The following ARHGAP19 variants were observed in gnomAD, a reference collection of about 807,000 sequenced individuals.
ARHGAP19 encodes the protein rho GTPase-activating protein 19.
In ARHGAP19, 48 loss-of-function variants were observed where a neutral mutation model predicts 60.9. That is an observed-to-expected ratio of 0.79 (90% CI 0.62 to 1.00). ARHGAP19 has a LOEUF of 1.00. Ranked by LOEUF, ARHGAP19 falls within the 50% of genes least tolerant of loss-of-function variation. The pLI, the probability that ARHGAP19 is intolerant of heterozygous loss-of-function variation, is 0.00. For synonymous variants in ARHGAP19, 209 were observed against 215.5 expected, an observed-to-expected ratio of 0.97 and a Z score of 0.27; for missense variants, 562 against 597.2, an observed-to-expected ratio of 0.94 and a Z score of 0.61.
At chr10:97,275,998 C>T (rs1589378597) in intron 1 of ARHGAP19, among the ~76,000 whole-genome samples, 1 of 5,458 alleles carries the variant, frequency 1.8e-4, no homozygotes, top group Non-Finnish European at 1.2e-3. Context: ...GCCCCCCGCC[C>T]GGCCAGCCGC....
At position 97,232,154 on chromosome 10, in the gene ARHGAP19, A is replaced by ATTT. The variant is rs1170639718; in HGVS notation, c.1285-2283_1285-2281dup. Among the ~76,000 whole-genome samples the ATTT allele has an allele frequency of 5.2e-4, 29 of 56,306 alleles. 1 individual carries two copies. The highest frequency in any genetic ancestry group is 1.1e-3 in the East Asian group (2 of 1,744). 36.9% of individuals were successfully genotyped at this position (56,306 alleles called of 152,430 possible). ...TTTCTATTTAAGTCCTTTGCTCACTATTTTTTTTTTTTTTTTTTTTTTTTT... is the reference window on the plus strand; with the variant it reads ...TTTCTATTTAAGTCCTTTGCTCACTATTTTTTTTTTTTTTTTTTTTTTTTTTTT... On this transcript the variant is annotated intron_variant, in intron 9 of 11. Transcript: ENST00000358531.
intron 9 of ARHGAP19, among the ~76,000 whole-genome samples, chr10:97,231,227 T>TA (rs1851010337): frequency 6.6e-6 from 1 of 152,178 alleles, no homozygotes; most frequent in Admixed American, 6.6e-5. Flanking sequence ...GATGTTCGTT[T>TA]TACTAGCCCT....
At chr10:97,246,453 G>C in intron 6 of ARHGAP19, 116 bp from the exon 7 acceptor site, 1 of 788,514 alleles carries the variant, frequency 1.3e-6, no homozygotes, top group Non-Finnish European at 2.1e-6. Context: ...CTTTTAAAAA[G>C]CCAAAGATCC....
chr10:97,283,352 C>T (rs1442441983), intron 1 of ARHGAP19, among the ~76,000 whole-genome samples: 2 of 151,468 alleles, frequency 1.3e-5, no homozygotes, highest in East Asian at 2.0e-4. Flanking sequence ...GTCAAGAGTT[C>T]GAGACCAACC....
intron 1 of ARHGAP19, 123 bp downstream of exon 1, chr10:97,292,449 G>T: frequency 7.6e-7 from 1 of 1,309,346 alleles, no homozygotes. Context: ...GCGCGACGAT[G>T]AGAAACGCCG....
At chr10:97,283,641 A>G (rs867262367) in intron 1 of ARHGAP19, among the ~76,000 whole-genome samples, 1 of 152,020 alleles carries the variant, frequency 6.6e-6, no homozygotes, top group South Asian at 2.1e-4. Flanking sequence ...AAACTGGGAA[A>G]CCAAGATAGA....
intron 5 of ARHGAP19, among the ~76,000 whole-genome samples, chr10:97,258,172 C>T (rs1224029391): frequency 6.6e-6 from 1 of 152,058 alleles, no homozygotes; most frequent in East Asian, 1.9e-4. Context: ...AAAGCCTATG[C>T]ATAGAAAAGG....
At chr10:97,261,613 C>A (rs901630138) in intron 4 of ARHGAP19, among the ~76,000 whole-genome samples, 5 of 151,774 alleles carry the variant, frequency 3.3e-5, no homozygotes, top group African/African-American at 1.2e-4. Flanking sequence ...CTCATTGCAT[C>A]ATTTGGATTG....
intron 6 of ARHGAP19, among the ~76,000 whole-genome samples, chr10:97,252,360 C>T (rs192832320): frequency 1.3e-3 from 195 of 148,346 alleles, no homozygotes; most frequent in Non-Finnish European, 2.5e-3. Context: ...CGGTGGCTCA[C>T]GCCTGTAATC....
intron 7 of ARHGAP19, among the ~76,000 whole-genome samples, chr10:97,245,399 T>A (rs1842548781): frequency 6.6e-6 from 1 of 151,878 alleles, no homozygotes; most frequent in Admixed American, 6.6e-5. Flanking sequence ...GCTGAGGCAG[T>A]CGGACTACTT....
At chr10:97,253,345 T>C (rs1242261440) in intron 6 of ARHGAP19, among the ~76,000 whole-genome samples, 11 of 149,318 alleles carry the variant, frequency 7.4e-5, no homozygotes, top group Non-Finnish European at 1.3e-4. Context: ...ATCACTGCAC[T>C]TCAGCACAGG....
In ARHGAP19 at chr10:97,229,228, G is replaced by A. The variant is rs1196640079; in HGVS notation, c.1396-3C>T. 1.2e-6 allele frequency: 2 copies of A among 1,612,490 alleles called. No individual in the cohort carries two copies. The highest frequency in any genetic ancestry group is 2.2e-5 in the East Asian group (1 of 44,870). ...ACAGCTGGAGAGCCAGAAAATAACT[G>A]TAATAAGAAAATTGTACAGTGGTTT... is the stretch of plus-strand genomic sequence containing the variant. On this transcript the variant is annotated splice_region_variant and splice_polypyrimidine_tract_variant and intron_variant, in intron 10 of 11. Transcript: ENST00000358531.
At chr10:97,239,011 G>A (rs576519850) in intron 8 of ARHGAP19, among the ~76,000 whole-genome samples, 2 of 152,204 alleles carry the variant, frequency 1.3e-5, no homozygotes, top group East Asian at 3.9e-4. Flanking sequence ...ACAGTACTCA[G>A]TACAGTAACA....
chr10:97,231,059 C>CAAAAAAAAAAAAAAAAA (rs869291841), intron 9 of ARHGAP19, among the ~76,000 whole-genome samples: 20 of 59,762 alleles, frequency 3.3e-4, no homozygotes, highest in African/African-American at 9.1e-4. Context: ...CTTGTCTCAC[C>CAAAAAAAAAAAAAAAAA]AAAAAAAAAA....
At chr10:97,256,709 A>G (rs1842757098) in intron 5 of ARHGAP19, among the ~76,000 whole-genome samples, 1 of 152,222 alleles carries the variant, frequency 6.6e-6, no homozygotes, top group Non-Finnish European at 1.5e-5. Flanking sequence ...TGGGCAGAAA[A>G]AAACAGAATC....
rs1222557544 is a variant in ARHGAP19, at chr10:97,265,961, G to A, written c.221C>T (p.Thr74Ile). 2 of 1,614,134 alleles carry A rather than the reference G, an allele frequency of 1.2e-6. No individual in the cohort carries two copies. The highest frequency in any genetic ancestry group is 2.7e-5 in the African/African-American group (2 of 75,020). The change falls in exon 2 of 12, where the codon ACT (threonine) becomes ATT (isoleucine). Residue 74 changes from threonine to isoleucine, a missense_variant. Coordinates refer to ENST00000358531, the MANE Select transcript of ARHGAP19 (RefSeq NM_032900.6). ...NITRLIDLPG[T>I]ELAQLMGEVD... ...TTCCCCCATCAGCTGAGCCAACTCAGTTCCAGGTAAATCGATGAGCCTTGT... is the reference window on the plus strand; with the variant it reads ...TTCCCCCATCAGCTGAGCCAACTCAATTCCAGGTAAATCGATGAGCCTTGT...
chr10:97,239,179 CA>C (rs1236032540), intron 8 of ARHGAP19, among the ~76,000 whole-genome samples: 1 of 152,144 alleles, frequency 6.6e-6, no homozygotes, highest in Non-Finnish European at 1.5e-5. Flanking sequence ...TCCCAATCAT[CA>C]AGTGATACGT....
chr10:97,226,011 T>C lies in ARHGAP19; in HGVS notation c.*111A>G. 1 of 1,233,110 alleles carries C rather than the reference T, an allele frequency of 8.1e-7. No homozygotes were observed. The highest frequency in any genetic ancestry group is 1.2e-6 in the Non-Finnish European group (1 of 857,554). The allele number at this position is 1,233,110 out of a possible 1,614,324, so 76.4% of individuals were successfully genotyped here. On this transcript the variant is annotated 3_prime_UTR_variant, in exon 12 of 12. Transcript: ENST00000358531. ...TCACGGTATTAGTTGGCTTTGACAA[T>C]TCAAAATGCAGCAAGCAAGCTGCAA...
At chr10:97,239,501 CA>C (rs71007326) in intron 8 of ARHGAP19, among the ~76,000 whole-genome samples, 120,368 of 138,144 alleles carry the variant, frequency 0.87, 53,688 homozygotes, top group Non-Finnish European at 0.97. Context: ...GACTCCGTCT[CA>C]AAAAAAAAAA....
Sources: allele counts gnomAD v4.1 joint callset (sites outside exome capture counted in the v4.1 genomes callset), GRCh38; gene constraint gnomAD v4.1.1; transcripts MANE v1.5; gene names NCBI Gene and HGNC (gene_info 2026-07-23, HGNC 2026-07-21).